The following USP49 variants were observed in gnomAD, a reference collection of about 807,000 sequenced individuals.
The protein encoded by USP49 is ubiquitin carboxyl-terminal hydrolase 49.
In USP49, 24 loss-of-function variants were observed where a neutral mutation model predicts 58.6. The ratio of observed to expected loss-of-function variants is 0.41; its 90% CI spans 0.30 to 0.58. The LOEUF is 0.58. Ranked by LOEUF, USP49 falls within the 20% of genes least tolerant of loss-of-function variation. USP49 has a pLI of 0.30. For missense variants in USP49, 703 were observed against 866.1 expected (o/e 0.81, Z 2.36); for synonymous variants, 408 against 365.1 (o/e 1.12, Z -1.34).
chr6:41,812,318 A>C (rs1773271857), intron 3 of USP49, among the ~76,000 whole-genome samples: 1 of 151,422 alleles, frequency 6.6e-6, no homozygotes, highest in Non-Finnish European at 1.5e-5. Context: ...ACCTCAGGTG[A>C]TCCGCCTACC....
In USP49 at chr6:41,794,896, T is replaced by A. The variant is rs1772861280; in HGVS notation, c.*1637A>T. 1 of 152,258 alleles carries A rather than the reference T, an allele frequency of 6.6e-6. No individual in the cohort carries two copies. Among genetic ancestry groups the A allele is most frequent in the South Asian group, 2.1e-4 (1 of 4,836 alleles). The allele number at this position is 152,258 out of a possible 1,614,324, so 9.4% of individuals were successfully genotyped here. A position where few individuals can be genotyped will look rare whatever the true frequency, so the allele number is the denominator to read the frequency against. On this transcript the variant is annotated 3_prime_UTR_variant, in exon 8 of 8. Transcript: ENST00000682992. The stretch of plus-strand genomic sequence containing the variant: ...CCATTTTTTGTCTGAATTTCCTCCA[T>A]GTCTCAGTGCTGCCTGGCAGGGCCT...
rs1195854763 is a variant in USP49 at position 41,792,699 on chromosome 6, T to C, written c.*3834A>G. On this transcript the variant is annotated 3_prime_UTR_variant, in exon 8 of 8. Coordinates refer to ENST00000682992, the MANE Select transcript of USP49 (RefSeq NM_001286554.2). ...TCAGAACTTGCTGGTAAGAATAATT[T>C]GCATTCACACACAAGAGACATGAAA... The C allele has an allele frequency of 2.0e-5, 3 of 152,234 alleles. No homozygotes were observed. The highest frequency in any genetic ancestry group is 7.2e-5 in the African/African-American group (3 of 41,462). 9.4% of individuals were successfully genotyped at this position (152,234 alleles called of 1,614,324 possible). A position where few individuals can be genotyped will look rare whatever the true frequency, so the allele number is the denominator to read the frequency against.
chr6:41,834,540 G>C (rs1773692478), intron 3 of USP49, among the ~76,000 whole-genome samples: 1 of 152,120 alleles, frequency 6.6e-6, no homozygotes, highest in Admixed American at 6.6e-5. Context: ...GGAGGTGACT[G>C]GATCAAGGGG....
At chr6:41,865,421 C>A (rs1282315823) in intron 3 of USP49, among the ~76,000 whole-genome samples, 1 of 152,064 alleles carries the variant, frequency 6.6e-6, no homozygotes, top group Non-Finnish European at 1.5e-5. Context: ...AAAAGAACAG[C>A]GGGATAGGCC....
In USP49 at chr6:41,805,998, C is replaced by A. The variant is rs774384036; in HGVS notation, c.986G>T (p.Gly329Val). The part of the protein sequence containing the change: ...NDRAEACERE[G>V]FCWNGRASIS... Reference sequence around the variant, plus strand: ...GGAGGCCCTGCCGTTCCAGCAGAAGCCCTCCCGCTCGCATGCCTCGGCCCT... The same window carrying A: ...GGAGGCCCTGCCGTTCCAGCAGAAGACCTCCCGCTCGCATGCCTCGGCCCT... The change falls in exon 4 of 8, where the codon GGC (glycine) becomes GTC (valine). Residue 329 changes from glycine (G) to valine (V), a missense_variant. Physicochemically the swap from Gly to Val is moderately radical, Grantham distance 109. Coordinates refer to ENST00000682992, the MANE Select transcript of USP49 (RefSeq NM_001286554.2). 1.8e-5 allele frequency: 29 copies of A among 1,613,828 alleles called. No individual in the cohort carries two copies. The Admixed American group carries it at 4.8e-4, about 27-fold the overall frequency.
At position 41,824,104 on chromosome 6, in the gene USP49, G is replaced by C. The variant is rs149168473; in HGVS notation, c.-28-17093C>G. Among the ~76,000 whole-genome samples the C allele has an allele frequency of 3.9e-3, 594 of 152,202 alleles. 3 individuals are homozygous for C. The highest frequency in any genetic ancestry group is 0.014 in the African/African-American group (575 of 41,512). ...AATACTGGCTGACTTGGCCAGCCTT[G>C]TTACTCATCCCCAGGCCAGTTATTT... On this transcript the variant is annotated intron_variant, in intron 3 of 7. Transcript: ENST00000682992.
chr6:41,892,514 T>C (rs11964516), intron 1 of USP49, among the ~76,000 whole-genome samples: 25,595 of 152,124 alleles, frequency 0.17, 2,239 homozygotes, highest in East Asian at 0.26. Context: ...GCTAAATACA[T>C]CTAGTAACCT....
chr6:41,846,729 C>T (rs2127348584), intron 3 of USP49, among the ~76,000 whole-genome samples: 1 of 152,302 alleles, frequency 6.6e-6, no homozygotes, highest in South Asian at 2.1e-4. Context: ...CTTTCATGTC[C>T]TTCTTCCTAT....
Position 41,806,138 on chromosome 6 carries a change from G to T in USP49, c.846C>A (p.Leu282=). The change falls in exon 4 of 8, where the codon CTC becomes CTA. Residue 282 remains leucine, a synonymous_variant. Transcript: ENST00000682992. This position sits in a 1 kb window ranked among gnomAD's most constrained non-coding sequence, Gnocchi z 5.9. ...GTTCCGTTTTGGAAGGGTCAAGGTT[G>T]AGGAAACATTCTCGGAACTTCTGGA... is the stretch of plus-strand genomic sequence containing the variant. ...SHLQKFRECF[L]NLDPSKTEHL... is the part of the protein sequence containing the mutation. 6.2e-7 allele frequency: 1 copy of T among 1,613,834 alleles called. No homozygotes were observed. Among genetic ancestry groups the T allele is most frequent in the Non-Finnish European group, 8.5e-7 (1 of 1,180,044 alleles).
chr6:41,879,310 C>T (rs1446184769), intron 2 of USP49, among the ~76,000 whole-genome samples: 1 of 152,166 alleles, frequency 6.6e-6, no homozygotes. Flanking sequence ...CTCACTGCAG[C>T]CTCAAACTCC....
At chr6:41,835,863 C>A (rs971354535) in intron 3 of USP49, among the ~76,000 whole-genome samples, 1 of 151,888 alleles carries the variant, frequency 6.6e-6, no homozygotes, top group Non-Finnish European at 1.5e-5. Context: ...TGCTTGAGTC[C>A]AGAAGTTCAA....
At chr6:41,871,346 T>C (rs955704661) in intron 3 of USP49, among the ~76,000 whole-genome samples, 5 of 152,188 alleles carry the variant, frequency 3.3e-5, no homozygotes, top group African/African-American at 9.7e-5. Flanking sequence ...CCATTTTAAC[T>C]TCAAATATGG....
In USP49 at chr6:41,806,262, T is replaced by C; in HGVS notation, c.722A>G (p.Lys241Arg). 3 of 1,606,850 alleles carry C rather than the reference T, an allele frequency of 1.9e-6. No individual in the cohort carries two copies. Among genetic ancestry groups the C allele is most frequent in the Non-Finnish European group, 2.5e-6 (3 of 1,179,748 alleles). The change falls in exon 4 of 8, where the codon AAG becomes AGG. Residue 241 changes from lysine to arginine, a missense_variant. Lys to Arg is a conservative substitution (Grantham distance 26, BLOSUM62 2). Coordinates refer to ENST00000682992, the MANE Select transcript of USP49 (RefSeq NM_001286554.2). This position sits in a 1 kb window ranked among gnomAD's most constrained non-coding sequence, Gnocchi z 5.9. Reference sequence around the variant, plus strand: ...GGCCATGGCCGGCTGGCGACGCAGCTTGAGTGTGGCGGCGGGCACTCTGCG... The same window carrying C: ...GGCCATGGCCGGCTGGCGACGCAGCCTGAGTGTGGCGGCGGGCACTCTGCG... ...TSRRVPAATL[K>R]LRRQPAMAPG...
intron 3 of USP49, among the ~76,000 whole-genome samples, chr6:41,846,769 A>AC (rs5875775): frequency 0.24 from 36,157 of 151,242 alleles, 4,467 homozygotes; most frequent in Middle Eastern, 0.3. Context: ...GTTGGAGGAA[A>AC]CCCCCCCCAT....
chr6:41,892,694 A>G (rs1318214801), intron 1 of USP49, among the ~76,000 whole-genome samples: 1 of 152,208 alleles, frequency 6.6e-6, no homozygotes, highest in Non-Finnish European at 1.5e-5. Flanking sequence ...TCATAAACCT[A>G]ATCTTTGTTA....
intron 4 of USP49, among the ~76,000 whole-genome samples, chr6:41,804,449 C>T (rs1773073891): frequency 6.6e-6 from 1 of 152,156 alleles, no homozygotes; most frequent in African/African-American, 2.4e-5. Context: ...GCCTTTGTTA[C>T]TTGCAGAAGC....
chr6:41,806,330 G>C lies in USP49; in HGVS notation c.654C>G (p.Asp218Glu). The change falls in exon 4 of 8, where the codon GAC becomes GAG. Residue 218 changes from aspartate (D) to glutamate (E), a missense_variant. By Grantham distance (45) the Asp-to-Glu change is conservative. Around this residue, in one of 6 missense-constraint regions of USP49, gnomAD observed 376 missense variants for 373.5 expected, o/e 1.01. Transcript: ENST00000682992. The surrounding 1 kb of genome is among the most constrained non-coding windows in gnomAD (Gnocchi z 5.9). ...SARLLLHTPR[D>E]AGPAASRPAA... ...CGGGGCGCGAGGCAGCCGGGCCCGCGTCGCGGGGCGTGTGCAGGAGCAGCC... is the reference window on the plus strand; with the variant it reads ...CGGGGCGCGAGGCAGCCGGGCCCGCCTCGCGGGGCGTGTGCAGGAGCAGCC... 1 of 1,530,748 alleles carries C rather than the reference G, an allele frequency of 6.5e-7. No homozygotes were observed. Among genetic ancestry groups the C allele is most frequent in the Non-Finnish European group, 8.7e-7 (1 of 1,149,456 alleles). 94.8% of individuals were successfully genotyped at this position (1,530,748 alleles called of 1,614,324 possible). A position where few individuals can be genotyped will look rare whatever the true frequency, so the allele number is the denominator to read the frequency against.
At chr6:41,871,097 C>T (rs949592085) in intron 3 of USP49, among the ~76,000 whole-genome samples, 7 of 152,032 alleles carry the variant, frequency 4.6e-5, no homozygotes, top group African/African-American at 1.4e-4. Context: ...AAGCCATCCT[C>T]CCACCTCAAC....
chr6:41,865,844 A>T (rs1774306525), intron 3 of USP49, among the ~76,000 whole-genome samples: 1 of 108,880 alleles, frequency 9.2e-6, no homozygotes, highest in Non-Finnish European at 1.8e-5. Flanking sequence ...GGGTCTAACT[A>T]TGTTGCCCAG....
Sources: gnomAD v4.1 joint callset for allele counts (sites outside exome capture counted in the v4.1 genomes callset) on GRCh38, gnomAD v4.1.1 for gene constraint, gnomAD v4.1.1 regional missense constraint, Gnocchi (gnomAD v3.1) non-coding constraint, MANE v1.5 for transcripts, NCBI Gene and HGNC (gene_info 2026-07-23, HGNC 2026-07-21) for gene names.